TAF12: variants seen among roughly 807,000 people sequenced by gnomAD.
TAF12 encodes transcription initiation factor TFIID subunit 12.
Under a neutral mutation model 20.8 loss-of-function variants are expected in TAF12, and 3 were observed. That is an observed-to-expected ratio of 0.14 (90% CI 0.07 to 0.37). The LOEUF is 0.37. Ranked by LOEUF, TAF12 falls within the 10% of genes least tolerant of loss-of-function variation. The pLI is 1.00. For missense variants in TAF12, 131 were observed against 197.9 expected (o/e 0.66, Z 2.03); for synonymous variants, 69 against 70.2 (o/e 0.98, Z 0.09).
chr1:28,644,507 G>A (rs1349298585), upstream of TAF12, among the ~76,000 whole-genome samples: 2 of 152,336 alleles, frequency 1.3e-5, no homozygotes, highest in Middle Eastern at 3.4e-3. Context: ...TTTGACAAGT[G>A]TTTGAGTCTC....
intron 3 of TAF12, 75 bp downstream of exon 3, chr1:28,617,878 C>T: frequency 7.1e-7 from 1 of 1,410,576 alleles, no homozygotes; most frequent in Non-Finnish European, 1.0e-6. Context: ...CTGCATCTGG[C>T]CTGTTTGTGC....
upstream of TAF12, among the ~76,000 whole-genome samples, chr1:28,646,876 T>C (rs1385472211): frequency 3.3e-5 from 5 of 152,116 alleles, no homozygotes; most frequent in African/African-American, 1.2e-4. Flanking sequence ...TTTTTTGTAT[T>C]TTTAGTAGAG....
Position 28,603,529 on chromosome 1 carries a change from T to G in TAF12, c.*10A>C. The G allele has an allele frequency of 6.2e-7, 1 of 1,613,826 alleles. No homozygotes were observed. Among genetic ancestry groups the G allele is most frequent in the Non-Finnish European group, 8.5e-7 (1 of 1,179,976 alleles). The stretch of plus-strand genomic sequence containing the variant: ...ATACATTGCTGTCCATTCCCTGACC[T>G]TTCCGTGTGTTATTTCTTGGTTGTT... On this transcript the variant is annotated 3_prime_UTR_variant, in exon 6 of 6. Transcript: ENST00000373824.
chr1:28,613,238 A>G lies in TAF12; in HGVS notation c.361+9T>C. 6.3e-7 allele frequency: 1 copy of G among 1,599,124 alleles called. No individual in the cohort carries two copies. The highest frequency in any genetic ancestry group is 8.5e-7 in the Non-Finnish European group (1 of 1,172,020). The stretch of plus-strand genomic sequence containing the variant: ...AATCCATACTTCAGGGAGAAACAAG[A>G]CCACATACCTAAATGCAGCTGGACA... On this transcript the variant is annotated intron_variant, in intron 4 of 5. Transcript: ENST00000373824.
At chr1:28,642,822 C>T (rs1175757836) in intron 1 of TAF12, 170 bp downstream of exon 1, 7 of 985,400 alleles carry the variant, frequency 7.1e-6, no homozygotes, top group Non-Finnish European at 6.0e-6. Flanking sequence ...TCCCCACAGC[C>T]GCGTCTTCTC....
chr1:28,632,578 G>T (rs930671886), intron 1 of TAF12, among the ~76,000 whole-genome samples: 1 of 152,028 alleles, frequency 6.6e-6, no homozygotes, highest in East Asian at 1.9e-4. Context: ...AATCTCAAAT[G>T]TATCATACTA....
At chr1:28,634,408 T>C (rs1570334130) in intron 1 of TAF12, among the ~76,000 whole-genome samples, 2 of 100,388 alleles carry the variant, frequency 2.0e-5, no homozygotes, top group Admixed American at 1.4e-4. Flanking sequence ...AGAGCGAGAC[T>C]CCATCTCAAA....
intron 5 of TAF12, among the ~76,000 whole-genome samples, chr1:28,604,255 G>A (rs1354653382): frequency 6.6e-6 from 1 of 152,158 alleles, no homozygotes; most frequent in African/African-American, 2.4e-5. Context: ...TCCAATGATG[G>A]ACACAATAGG....
At chr1:28,636,607 T>C (rs1237563145) in intron 1 of TAF12, among the ~76,000 whole-genome samples, 1 of 151,254 alleles carries the variant, frequency 6.6e-6, no homozygotes, top group Non-Finnish European at 1.5e-5. Flanking sequence ...CTGGGCAACA[T>C]AGTGAGATCT....
At chr1:28,621,795 A>G in intron 2 of TAF12, 119 bp downstream of exon 2, 1 of 1,452,342 alleles carries the variant, frequency 6.9e-7, no homozygotes, top group Non-Finnish European at 9.2e-7. Context: ...AAAAGAGGGA[A>G]AAGACCTTTT....
chr1:28,605,440 T>G lies in TAF12; in HGVS notation c.382A>C (p.Ile128Leu). The G allele has an allele frequency of 6.2e-7, 1 of 1,614,024 alleles. No individual in the cohort carries two copies. Residue 128 changes from isoleucine (I) to leucine (L), a missense_variant, in exon 5 of 6, where the codon ATC (isoleucine) becomes CTC (leucine). This residue lies in a region of TAF12 where 60 missense variants were observed against 90.2 expected (regional missense o/e 0.66). Coordinates refer to ENST00000373824, the MANE Select transcript of TAF12 (RefSeq NM_005644.4). Reference protein sequence around the residue: ...LHLERQWNMWIPGFGSEEIRP... With the variant: ...LHLERQWNMWLPGFGSEEIRP... ...ATTTCTTCAGAGCCAAATCCTGGGA[T>G]CCACATGTTCCACTGGCGCTCTGCA... is the stretch of plus-strand genomic sequence containing the variant.
chr1:28,609,258 TA>T (rs905707254), intron 4 of TAF12, among the ~76,000 whole-genome samples: 24 of 151,614 alleles, frequency 1.6e-4, no homozygotes, highest in Non-Finnish European at 1.6e-4. Context: ...GTATTTTTAG[TA>T]GAGGCAGGGT....
rs74882648 is a variant in TAF12 at position 28,605,504 on chromosome 1, C to T, written c.362-44G>A. 2.9e-3 allele frequency: 4,581 copies of T among 1,592,754 alleles called. 203 individuals carry two copies. The East Asian group carries it at 0.086, about 30-fold the overall frequency. On this transcript the variant is annotated intron_variant, in intron 4 of 5. Coordinates refer to ENST00000373824, the MANE Select transcript of TAF12 (RefSeq NM_005644.4). ...CACAGAGATAAACGTACCAAGAAGG[C>T]AGTACCAGGAGTGCAATGTGACCCC...
chr1:28,606,328 G>A (rs1216662652), intron 4 of TAF12, among the ~76,000 whole-genome samples: 1 of 151,706 alleles, frequency 6.6e-6, no homozygotes, highest in Admixed American at 6.6e-5. Context: ...TAGTAGAAAC[G>A]GGGTTTCACC....
At chr1:28,635,162 G>A (rs2124377514) in intron 1 of TAF12, among the ~76,000 whole-genome samples, 1 of 149,702 alleles carries the variant, frequency 6.7e-6, no homozygotes, top group African/African-American at 2.4e-5. Context: ...CCCGGGAGGT[G>A]GAGCTTGCAG....
chr1:28,605,103 G>A (rs780658364), intron 5 of TAF12, among the ~76,000 whole-genome samples: 1 of 152,174 alleles, frequency 6.6e-6, no homozygotes, highest in Admixed American at 6.6e-5. Flanking sequence ...CATATTAGAA[G>A]AACCCAGAAT....
chr1:28,615,012 A>G (rs2124318265), intron 3 of TAF12, among the ~76,000 whole-genome samples: 1 of 152,018 alleles, frequency 6.6e-6, no homozygotes, highest in East Asian at 2.0e-4. Context: ...GGGAGGCTGA[A>G]GTGGGACGCC....
chr1:28,626,353 G>GT (rs1288372656), intron 1 of TAF12, among the ~76,000 whole-genome samples: 2 of 151,914 alleles, frequency 1.3e-5, no homozygotes, highest in Non-Finnish European at 2.9e-5. Context: ...GCCACGGCAG[G>GT]TGGATCACCT....
In TAF12 at chr1:28,603,398, A is replaced by G. The variant is rs889016552; in HGVS notation, c.*141T>C. ...CTTTTGGCAGATCCTCTCAGTCATTATAGATATTGCTGCACTGTTAATAAA... is the reference window on the plus strand; with the variant it reads ...CTTTTGGCAGATCCTCTCAGTCATTGTAGATATTGCTGCACTGTTAATAAA... On this transcript the variant is annotated 3_prime_UTR_variant, in exon 6 of 6. Transcript: ENST00000373824. The G allele has an allele frequency of 7.3e-6, 6 of 818,682 alleles. No individual in the cohort carries two copies. The highest frequency in any genetic ancestry group is 1.2e-5 in the Non-Finnish European group (6 of 518,832). The allele number at this position is 818,682 out of a possible 1,614,324, so 50.7% of individuals were successfully genotyped here. A position where few individuals can be genotyped will look rare whatever the true frequency, so the allele number is the denominator to read the frequency against.
Sources: allele counts gnomAD v4.1 joint callset (sites outside exome capture counted in the v4.1 genomes callset), GRCh38; gene constraint gnomAD v4.1.1; regional missense constraint gnomAD v4.1.1; transcripts MANE v1.5; gene names NCBI Gene and HGNC (gene_info 2026-07-23, HGNC 2026-07-21).